The following RDH12 variants were observed in gnomAD, a reference collection of about 807,000 sequenced individuals.
The protein encoded by RDH12 is all-trans and 9-cis retinol dehydrogenase.
Under a neutral mutation model 34.0 loss-of-function variants are expected in RDH12, and 21 were observed. The ratio of observed to expected loss-of-function variants is 0.62; its 90% CI spans 0.44 to 0.89. The LOEUF (loss-of-function observed/expected upper bound fraction) is 0.89, where lower values mean the gene tolerates loss of function less well. RDH12 is among the 40% of genes least tolerant of loss of function. RDH12 has a pLI of 0.00. For missense variants in RDH12, 394 were observed against 398.6 expected, an observed-to-expected ratio of 0.99 and a Z score of 0.10; for synonymous variants, 198 against 169.9, an observed-to-expected ratio of 1.17 and a Z score of -1.29.
chr14:67,725,873 T>G (rs899051604), intron 5 of RDH12, among the ~76,000 whole-genome samples, 178 bp from the exon 6 acceptor site: 1 of 152,222 alleles, frequency 6.6e-6, no homozygotes, highest in African/African-American at 2.4e-5. Context: ...GGATAGTTAT[T>G]GAGTGCTGAG....
At chr14:67,729,483 C>T (rs893548038) in intron 8 of RDH12, 103 bp downstream of exon 8, 3 of 1,191,526 alleles carry the variant, frequency 2.5e-6, no homozygotes, top group Non-Finnish European at 3.7e-6. Context: ...CCTGATGATG[C>T]AATCCAGGTT....
intron 1 of RDH12, among the ~76,000 whole-genome samples, chr14:67,705,308 T>G (rs1408398708): frequency 6.6e-6 from 1 of 152,206 alleles, no homozygotes; most frequent in Non-Finnish European, 1.5e-5. Context: ...TTTAAGACAA[T>G]CAGTAACACT....
intron 1 of RDH12, among the ~76,000 whole-genome samples, chr14:67,708,739 T>A (rs947839706): frequency 6.6e-6 from 1 of 151,764 alleles, no homozygotes; most frequent in Non-Finnish European, 1.5e-5. Flanking sequence ...ATAATTTTTA[T>A]ACCAAATAAG....
rs149026707 is a variant in RDH12 at position 67,709,146 on chromosome 14, T to C, written c.-275+7211T>C. Among the ~76,000 whole-genome samples the C allele has an allele frequency of 4.4e-3, 673 of 152,302 alleles. 35 individuals carry two copies. The East Asian group carries it at 0.1, about 23-fold the overall frequency. On this transcript the variant is annotated intron_variant, in intron 1 of 8. Transcript: ENST00000551171. Reference sequence around the variant, plus strand: ...GAAAAAGACATAATTTATAGTTTGATTTTGGAAAGTTTGTCAAATATCAAA... The same window carrying C: ...GAAAAAGACATAATTTATAGTTTGACTTTGGAAAGTTTGTCAAATATCAAA...
chr14:67,729,231 C>G lies in RDH12; in HGVS notation c.699C>G (p.Val233=). 6.2e-7 allele frequency: 1 copy of G among 1,611,476 alleles called. No homozygotes were observed. The highest frequency in any genetic ancestry group is 1.1e-5 in the South Asian group (1 of 91,040). Residue 233 remains valine, a synonymous_variant, in exon 8 of 9, where the codon GTC becomes GTG. Transcript: ENST00000551171. The part of the protein sequence containing the change: ...VTTYAVHPGV[V]RSELVRHSSL... ...CCTACGCAGTGCACCCAGGCGTCGTCCGCTCTGAGCTGGTCCGGCACTCCT... is the reference window on the plus strand; with the variant it reads ...CCTACGCAGTGCACCCAGGCGTCGTGCGCTCTGAGCTGGTCCGGCACTCCT...
chr14:67,732,599 G>A (rs1186518149), intron 8 of RDH12, among the ~76,000 whole-genome samples: 3 of 149,950 alleles, frequency 2.0e-5, no homozygotes, highest in Admixed American at 6.6e-5. Flanking sequence ...TTTTTGAGAC[G>A]GAGTTTCGGT....
At position 67,727,118 on chromosome 14, in the gene RDH12, A is replaced by T. The variant is rs1465873583; in HGVS notation, c.586A>T (p.Arg196Trp). 6.2e-7 allele frequency: 1 copy of T among 1,614,208 alleles called. No homozygotes were observed. Among genetic ancestry groups the T allele is most frequent in the South Asian group, 1.1e-5 (1 of 91,084 alleles). Residue 196 changes from arginine (R) to tryptophan (W), a missense_variant, in exon 7 of 9, where the codon AGG becomes TGG. Arg to Trp is a moderately radical substitution (Grantham distance 101, BLOSUM62 -3). Coordinates refer to ENST00000551171, the MANE Select transcript of RDH12 (RefSeq NM_152443.3). ...CCTCCAGAGCGAGAAGCGCTACAGCAGGGGTTTTGCCTATTGCCACAGCAA... is the reference window on the plus strand; with the variant it reads ...CCTCCAGAGCGAGAAGCGCTACAGCTGGGGTTTTGCCTATTGCCACAGCAA... Reference protein sequence around the residue: ...HDLQSEKRYSRGFAYCHSKLA... With the variant: ...HDLQSEKRYSWGFAYCHSKLA...
intron 1 of RDH12, among the ~76,000 whole-genome samples, chr14:67,703,669 C>T (rs1183328748): frequency 6.6e-6 from 1 of 151,958 alleles, no homozygotes. Context: ...CTCAGAAAAC[C>T]CAGTATGTCT....
At chr14:67,716,951 T>C (rs988690389) in intron 1 of RDH12, among the ~76,000 whole-genome samples, 1 of 152,174 alleles carries the variant, frequency 6.6e-6, no homozygotes, top group East Asian at 1.9e-4. Flanking sequence ...CATTAACATT[T>C]TACTATACCA....
intron 1 of RDH12, among the ~76,000 whole-genome samples, chr14:67,717,449 T>C (rs1467518873): frequency 6.6e-6 from 1 of 152,248 alleles, no homozygotes; most frequent in Non-Finnish European, 1.5e-5. Context: ...TATTAATAAC[T>C]TGCTGTGGAC....
chr14:67,733,920 C>T lies in RDH12; in HGVS notation c.*72C>T. The T allele has an allele frequency of 1.7e-6, 2 of 1,143,158 alleles. No individual in the cohort carries two copies. The highest frequency in any genetic ancestry group is 2.6e-6 in the Non-Finnish European group (2 of 761,912). The allele number at this position is 1,143,158 out of a possible 1,614,324, so 70.8% of individuals were successfully genotyped here. On this transcript the variant is annotated 3_prime_UTR_variant, in exon 9 of 9. Transcript: ENST00000551171. ...GAACAGGGACCAAGGAGAAGGCCAA[C>T]CCTAAAGGATTGTCCTCTTGGCCAG...
At chr14:67,728,930 G>A (rs1169525937) in intron 7 of RDH12, among the ~76,000 whole-genome samples, 1 of 152,114 alleles carries the variant, frequency 6.6e-6, no homozygotes, top group Admixed American at 6.5e-5. Context: ...TAAAGCCACA[G>A]TATAAAAACG....
intron 8 of RDH12, 68 bp downstream of exon 8, chr14:67,729,448 T>C: frequency 6.7e-7 from 1 of 1,494,094 alleles, no homozygotes; most frequent in South Asian, 1.1e-5. Context: ...CGCTGGGCTG[T>C]TCATCCTGAG....
intron 8 of RDH12, among the ~76,000 whole-genome samples, chr14:67,730,507 C>T (rs551070218): frequency 3.3e-5 from 5 of 152,286 alleles, no homozygotes; most frequent in Middle Eastern, 3.4e-3. Context: ...CAGAGTATTT[C>T]GGGTTTTAGA....
chr14:67,726,163 T>A lies in RDH12; in HGVS notation c.448+8T>A, dbSNP rs568919347. 2.6e-6 allele frequency: 4 copies of A among 1,552,618 alleles called. No individual in the cohort carries two copies. The highest frequency in any genetic ancestry group is 2.7e-5 in the African/African-American group (2 of 73,780). ...TGGGAGTCAACCACCTGGGTAAGTA[T>A]CTTTGGGTGACTAAAAAATGAGGTA... On this transcript the variant is annotated splice_region_variant and intron_variant, in intron 6 of 8. Transcript: ENST00000551171.
At chr14:67,724,322 C>T in intron 3 of RDH12, 151 bp from the exon 4 acceptor site, 4 of 694,726 alleles carry the variant, frequency 5.8e-6, no homozygotes, top group Non-Finnish European at 1.0e-5. Flanking sequence ...AAAATGTTGT[C>T]CTATGAAGGT....
At chr14:67,723,498 A>C (rs2038149020) in intron 3 of RDH12, among the ~76,000 whole-genome samples, 1 of 152,156 alleles carries the variant, frequency 6.6e-6, no homozygotes, top group African/African-American at 2.4e-5. Flanking sequence ...GCCTCCCAAG[A>C]TGTTGGGATT....
intron 8 of RDH12, among the ~76,000 whole-genome samples, chr14:67,731,144 G>T (rs368557837): frequency 1.3e-5 from 2 of 150,356 alleles, no homozygotes; most frequent in African/African-American, 4.9e-5. Context: ...AAATGTAGCT[G>T]CTAGAAAATT....
intron 7 of RDH12, chr14:67,727,485 G>C: frequency 1.2e-5 from 3 of 256,528 alleles, no homozygotes; most frequent in Non-Finnish European, 1.5e-5. Flanking sequence ...TGTTTTTTTT[G>C]TTTTTTTTTT....
Sources: gnomAD v4.1 joint callset for allele counts (sites outside exome capture counted in the v4.1 genomes callset) on GRCh38, gnomAD v4.1.1 for gene constraint, MANE v1.5 for transcripts, NCBI Gene and HGNC (gene_info 2026-07-23, HGNC 2026-07-21) for gene names.